The following EVC2 variants were observed in gnomAD, a reference collection of about 807,000 sequenced individuals.
EVC2 encodes EvC ciliary complex subunit 2.
In EVC2, 148 loss-of-function variants were observed where a neutral mutation model predicts 149.3. The ratio of observed to expected loss-of-function variants is 0.99; its 90% confidence interval spans 0.87 to 1.14. The LOEUF (loss-of-function observed/expected upper bound fraction) is 1.14, where lower values mean the gene tolerates loss of function less well. Ranked by LOEUF, EVC2 falls within the 50% of genes most tolerant of loss-of-function variation. The pLI, the probability that EVC2 is intolerant of heterozygous loss-of-function variation, is 0.00. For synonymous variants in EVC2, 776 were observed against 649.9 expected (o/e 1.19, Z -2.95); for missense variants, 1,854 against 1,627.3 (o/e 1.14, Z -2.40).
At chr4:5,685,734 G>A (rs1049138435) in intron 5 of EVC2, among the ~76,000 whole-genome samples, 1 of 152,178 alleles carries the variant, frequency 6.6e-6, no homozygotes, top group Non-Finnish European at 1.5e-5. Context: ...TTCCATTCAC[G>A]AGTGGGGGTG....
At chr4:5,658,053 T>TA in intron 9 of EVC2, among the ~76,000 whole-genome samples, 1 of 152,286 alleles carries the variant, frequency 6.6e-6, no homozygotes, top group South Asian at 2.1e-4. Context: ...TGCCCCTTCA[T>TA]AGCTCTGACC....
intron 16 of EVC2, among the ~76,000 whole-genome samples, chr4:5,599,060 G>C (rs960165508): frequency 2.0e-5 from 3 of 152,042 alleles, no homozygotes; most frequent in African/African-American, 4.8e-5. Flanking sequence ...TCATTAAAAA[G>C]TCAGGAAACA....
chr4:5,616,193 C>T (rs1003569475), intron 15 of EVC2, among the ~76,000 whole-genome samples: 6 of 152,172 alleles, frequency 3.9e-5, no homozygotes, highest in African/African-American at 1.4e-4. Flanking sequence ...TTCCCCTCCC[C>T]ACCTTCCCTC....
chr4:5,570,906 A>G (rs1205140020), intron 19 of EVC2, among the ~76,000 whole-genome samples: 7 of 152,184 alleles, frequency 4.6e-5, no homozygotes, highest in Non-Finnish European at 8.8e-5. Context: ...GGAAAACCAT[A>G]TATTGTATGT....
rs546637627 is a variant in EVC2, at chr4:5,594,353, C to T, written c.2830-9503G>A. On this transcript the variant is annotated intron_variant, in intron 16 of 21. Coordinates refer to ENST00000344408, the MANE Select transcript of EVC2 (RefSeq NM_147127.5). The stretch of plus-strand genomic sequence containing the variant: ...GGGGCAGACTGACACCTCACACGGC[C>T]GGGTACTCCTCTGAGACAAAACTTC... Among the ~76,000 whole-genome samples, 10 of 152,256 alleles carry T rather than the reference C, an allele frequency of 6.6e-5. No individual in the cohort carries two copies. The East Asian group carries it at 1.4e-3, about 21-fold the overall frequency.
rs547424110 is a variant in EVC2, at chr4:5,576,168, A to C, written c.3272+72T>G. The C allele has an allele frequency of 6.2e-7, 1 of 1,612,192 alleles. No individual in the cohort carries two copies. The highest frequency in any genetic ancestry group is 1.7e-5 in the Admixed American group (1 of 60,012). ...AGCCCAGGTGGGTATGGGTGGGCTG[A>C]GTTGGAGATGCCAGGTTCTCCAGGA... On this transcript the variant is annotated intron_variant, in intron 18 of 21. Transcript: ENST00000344408. This position sits in a 1 kb window ranked among gnomAD's most constrained non-coding sequence, Gnocchi z 4.5.
In EVC2 at chr4:5,645,963, T is replaced by C. The variant is rs546825949; in HGVS notation, c.1146-5125A>G. 4.6e-5 allele frequency among the ~76,000 whole-genome samples: 7 copies of C among 152,316 alleles called. No homozygotes were observed. The South Asian group carries it at 1.4e-3, about 32-fold the overall frequency. On this transcript the variant is annotated intron_variant, in intron 9 of 21. Transcript: ENST00000344408. ...TTTTTCAGACAGAATCTCGCTCTTG[T>C]TGCCCAGGCTGGATGGAGTGCAATG...
At position 5,614,086 on chromosome 4, in the gene EVC2, C is replaced by G. The variant is rs1265840352; in HGVS notation, c.2829+1336G>C. On this transcript the variant is annotated intron_variant, in intron 16 of 21. Coordinates refer to ENST00000344408, the MANE Select transcript of EVC2 (RefSeq NM_147127.5). This position sits in a 1 kb window ranked among gnomAD's most constrained non-coding sequence, Gnocchi z 4.7. Reference sequence around the variant, plus strand: ...AACATACTCCTGTTGGGAATCCACCCTTTGCAGGGTGCTGGGGAAGGCAGA... The same window carrying G: ...AACATACTCCTGTTGGGAATCCACCGTTTGCAGGGTGCTGGGGAAGGCAGA... 2.1e-4 allele frequency among the ~76,000 whole-genome samples: 32 copies of G among 152,188 alleles called. No homozygotes were observed.
intron 16 of EVC2, among the ~76,000 whole-genome samples, chr4:5,594,991 A>T (rs1713241949): frequency 6.6e-6 from 1 of 152,234 alleles, no homozygotes; most frequent in Non-Finnish European, 1.5e-5. Flanking sequence ...AAATGAATGA[A>T]ATAAAGCAAG....
Position 5,625,420 on chromosome 4 carries a change from C to T in EVC2, c.2046+329G>A, listed in dbSNP as rs115112579. Among the ~76,000 whole-genome samples, 2,187 of 152,222 alleles carry T rather than the reference C, an allele frequency of 0.014. 50 individuals carry two copies. Among genetic ancestry groups the T allele is most frequent in the African/African-American group, 0.05 (2,062 of 41,518 alleles). ...GATATCTTATATAACACACTTAGCA[C>T]AGTGCTAAGTAAGCAGCCAATAAAT... On this transcript the variant is annotated intron_variant, in intron 13 of 21. Coordinates refer to ENST00000344408, the MANE Select transcript of EVC2 (RefSeq NM_147127.5). The surrounding 1 kb of genome is among the most constrained non-coding windows in gnomAD (Gnocchi z 4.0).
At chr4:5,556,092 T>C (rs1254005739) in intron 21 of EVC2, among the ~76,000 whole-genome samples, 1 of 142,254 alleles carries the variant, frequency 7.0e-6, no homozygotes, top group African/African-American at 2.6e-5. Flanking sequence ...GACAGGAGAA[T>C]TGCTTGAAGC....
chr4:5,566,423 T>C (rs1577097108), intron 20 of EVC2, among the ~76,000 whole-genome samples: 1 of 151,986 alleles, frequency 6.6e-6, no homozygotes, highest in South Asian at 2.1e-4. Context: ...ATGCCCAGAG[T>C]GCTTCCCTGG....
chr4:5,622,759 G>A lies in EVC2; in HGVS notation c.2279C>T (p.Thr760Ile), dbSNP rs1715797288. The A allele has an allele frequency of 6.2e-7, 1 of 1,613,954 alleles. No homozygotes were observed. The highest frequency in any genetic ancestry group is 1.7e-5 in the Admixed American group (1 of 60,000). The change falls in exon 14 of 22, where the codon ACC (threonine) becomes ATC (isoleucine). Residue 760 changes from threonine (T) to isoleucine (I), a missense_variant. By Grantham distance (89) the Thr-to-Ile change is moderately conservative. Transcript: ENST00000344408. This position sits in a 1 kb window ranked among gnomAD's most constrained non-coding sequence, Gnocchi z 5.8. The part of the protein sequence containing the change: ...ELRRLQNSAM[T>I]QELLKRGVPW... ...CACCCCACGCTTGAGCAGCTCCTGG[G>A]TCATGGCTGAGTTCTGCAGGCGCCG...
intron 21 of EVC2, among the ~76,000 whole-genome samples, chr4:5,553,025 G>A (rs755037184): frequency 2.1e-4 from 32 of 152,246 alleles, no homozygotes; most frequent in Admixed American, 7.2e-4. Flanking sequence ...GGATATTGCC[G>A]GTATTGGTCC....
chr4:5,640,764 A>ATCAT lies in EVC2; in HGVS notation c.1219_1220insATGA (p.Ile407AsnfsTer37). On this transcript the variant is annotated frameshift_variant, in exon 10 of 22. Coordinates refer to ENST00000344408, the MANE Select transcript of EVC2 (RefSeq NM_147127.5). LOFTEE classifies it high-confidence loss of function. The surrounding 1 kb of genome is among the most constrained non-coding windows in gnomAD (Gnocchi z 4.6). ...GGTGAGATTTTTCAGCAGAAGGGCA[A>ATCAT]TGATATCCTTGCTGATTTGTGTTCG... The ATCAT allele has an allele frequency of 6.2e-7, 1 of 1,614,208 alleles. No homozygotes were observed.
rs192366180 is a variant in EVC2, at chr4:5,663,016, G to A, written c.1145+91C>T. ...CAGAGTGACAAATGATTAACTGAATGAATGAAATATACTCAGCATTTGGCC... is the reference window on the plus strand; with the variant it reads ...CAGAGTGACAAATGATTAACTGAATAAATGAAATATACTCAGCATTTGGCC... On this transcript the variant is annotated intron_variant, in intron 9 of 21. Coordinates refer to ENST00000344408, the MANE Select transcript of EVC2 (RefSeq NM_147127.5). The A allele has an allele frequency of 1.2e-3, 1,766 of 1,516,878 alleles. 4 individuals are homozygous for A. The highest frequency in any genetic ancestry group is 1.1e-3 in the Non-Finnish European group (1,258 of 1,098,996). 94.0% of individuals were successfully genotyped at this position (1,516,878 alleles called of 1,614,324 possible). A position where few individuals can be genotyped will look rare whatever the true frequency, so the allele number is the denominator to read the frequency against.
chr4:5,658,972 C>A (rs1267685904), intron 9 of EVC2, among the ~76,000 whole-genome samples: 1 of 152,152 alleles, frequency 6.6e-6, no homozygotes, highest in Non-Finnish European at 1.5e-5. Flanking sequence ...ACTGAGTCCA[C>A]CTCCATTATA....
intron 16 of EVC2, among the ~76,000 whole-genome samples, chr4:5,597,491 G>C (rs1300391835): frequency 3.8e-4 from 58 of 150,926 alleles, no homozygotes; most frequent in Admixed American, 6.6e-5. Context: ...AATAGATGCA[G>C]AAAAGGCCTT....
rs767596951 is a variant in EVC2 at position 5,697,557 on chromosome 4, CAA to C, written c.283+34_283+35del. 3 of 1,611,844 alleles carry C rather than the reference CAA, an allele frequency of 1.9e-6. No homozygotes were observed. The South Asian group carries it at 3.3e-5, about 18-fold the overall frequency. Reference sequence around the variant, plus strand: ...CTTCAGGCTTCTGGTTTTTCATGCTCAAAACAGGGGAACATCAACCAGAAGAA... The same window carrying C: ...CTTCAGGCTTCTGGTTTTTCATGCTCAACAGGGGAACATCAACCAGAAGAA... On this transcript the variant is annotated intron_variant, in intron 2 of 21. Coordinates refer to ENST00000344408, the MANE Select transcript of EVC2 (RefSeq NM_147127.5).
Sources: allele counts gnomAD v4.1 joint callset (sites outside exome capture counted in the v4.1 genomes callset), GRCh38; gene constraint gnomAD v4.1.1; non-coding constraint Gnocchi (gnomAD v3.1); transcripts MANE v1.5; gene names NCBI Gene and HGNC (gene_info 2026-07-23, HGNC 2026-07-21).